PRICKLE2: variants seen among roughly 807,000 people sequenced by gnomAD.
PRICKLE2 encodes prickle-like protein 2.
A neutral mutation model predicts 81.4 loss-of-function variants in PRICKLE2; 21 were observed. The ratio of observed to expected loss-of-function variants is 0.26; its 90% confidence interval spans 0.18 to 0.37. The LOEUF is 0.37. Among genes scored for constraint, PRICKLE2 ranks in the 10% least tolerant of loss-of-function variants. The pLI, the probability that PRICKLE2 is intolerant of heterozygous loss-of-function variation, is 1.00. For missense variants in PRICKLE2, 940 were observed against 1,109.0 expected (o/e 0.85, Z 2.16); for synonymous variants, 456 against 421.5 (o/e 1.08, Z -1.00).
At chr3:64,185,159 A>G (rs890983342) in intron 2 of PRICKLE2, among the ~76,000 whole-genome samples, 3 of 152,166 alleles carry the variant, frequency 2.0e-5, no homozygotes, top group African/African-American at 7.2e-5. Context: ...TGAGGAAATT[A>G]TTACCTTCTC....
At position 64,092,957 on chromosome 3, in the gene PRICKLE2, A is replaced by G. The variant is rs1307545575; in HGVS notation, c.*6094T>C. On this transcript the variant is annotated 3_prime_UTR_variant, in exon 8 of 8. Coordinates refer to ENST00000638394, the MANE Select transcript of PRICKLE2 (RefSeq NM_198859.4). ...TTAAGTTCATCTGCATTGTTCTGCA[A>G]CCCGTCTCCAGAACTCTTTTCATCT... 1 of 152,274 alleles carries G rather than the reference A, an allele frequency of 6.6e-6. No homozygotes were observed. The highest frequency in any genetic ancestry group is 2.4e-5 in the African/African-American group (1 of 41,442). The allele number at this position is 152,274 out of a possible 1,614,324, so 9.4% of individuals were successfully genotyped here.
At chr3:64,181,732 G>A (rs2107081571) in intron 2 of PRICKLE2, among the ~76,000 whole-genome samples, 1 of 152,248 alleles carries the variant, frequency 6.6e-6, no homozygotes, top group Non-Finnish European at 1.5e-5. Flanking sequence ...AAAAATAACA[G>A]ACATAAAATG....
intron 2 of PRICKLE2, among the ~76,000 whole-genome samples, chr3:64,177,913 T>C (rs979008338): frequency 6.6e-6 from 1 of 152,198 alleles, no homozygotes; most frequent in Non-Finnish European, 1.5e-5. Context: ...ATGTTGCATA[T>C]ATACCTAGGA....
chr3:64,198,218 ATAAAT>A (rs1302141163), intron 2 of PRICKLE2, among the ~76,000 whole-genome samples: 2 of 86,350 alleles, frequency 2.3e-5, no homozygotes, highest in Non-Finnish European at 4.1e-5. Context: ...TCTAAAATAA[ATAAAT>A]AAATAAATAA....
At chr3:64,210,396 G>T (rs1360663295) in intron 1 of PRICKLE2, among the ~76,000 whole-genome samples, 1 of 152,252 alleles carries the variant, frequency 6.6e-6, no homozygotes, top group Non-Finnish European at 1.5e-5. Context: ...ATCTCTGTGA[G>T]AAAGGAAAAA....
intron 1 of PRICKLE2, among the ~76,000 whole-genome samples, chr3:64,206,660 G>A (rs945680216): frequency 6.6e-6 from 1 of 152,154 alleles, no homozygotes; most frequent in Admixed American, 6.5e-5. Flanking sequence ...TCATGCACAG[G>A]GACAAGGGGC....
At chr3:64,200,625 T>A (rs1166536653) in intron 1 of PRICKLE2, 1 of 151,170 alleles carries the variant, frequency 6.6e-6, no homozygotes, top group Non-Finnish European at 1.5e-5. Context: ...CCTGGCTTTT[T>A]TTTTTTCTGA....
intron 2 of PRICKLE2, among the ~76,000 whole-genome samples, chr3:64,178,988 TTTCTTTCTTTCTTTC>T (rs1416106032): frequency 2.1e-5 from 3 of 143,530 alleles, no homozygotes; most frequent in African/African-American, 8.0e-5. Flanking sequence ...TCTTTCTTTC[TTTCTTTCTTTCTTTC>T]TTTCTTTCTT....
chr3:64,245,655 G>A (rs2079337700), intron 2 of PRICKLE2, among the ~76,000 whole-genome samples: 1 of 152,190 alleles, frequency 6.6e-6, no homozygotes, highest in Non-Finnish European at 1.5e-5. Flanking sequence ...CAAATCCAGA[G>A]AGGCATGGGG....
At chr3:64,148,980 G>A (rs1191958549) in intron 6 of PRICKLE2, among the ~76,000 whole-genome samples, 1 of 152,210 alleles carries the variant, frequency 6.6e-6, no homozygotes, top group Non-Finnish European at 1.5e-5. Context: ...TCTGCTTTCG[G>A]TAAAGAAAAA....
chr3:64,178,736 A>G (rs1014777910), intron 2 of PRICKLE2, among the ~76,000 whole-genome samples: 1 of 152,226 alleles, frequency 6.6e-6, no homozygotes, highest in Non-Finnish European at 1.5e-5. Context: ...AATACTAAAC[A>G]TTCCTCCTAG....
chr3:64,172,536 T>C (rs1054226733), intron 2 of PRICKLE2, among the ~76,000 whole-genome samples: 3 of 152,234 alleles, frequency 2.0e-5, no homozygotes, highest in Non-Finnish European at 4.4e-5. Flanking sequence ...TCTCCATCTG[T>C]AAATTGGGGA....
intron 2 of PRICKLE2, among the ~76,000 whole-genome samples, chr3:64,170,753 T>TGGTCTCA (rs1451654962): frequency 6.7e-6 from 1 of 149,472 alleles, no homozygotes. Flanking sequence ...TGCACACCTG[T>TGGTCTCA]GGTCTCAGCT....
intron 1 of PRICKLE2, among the ~76,000 whole-genome samples, chr3:64,217,497 A>G (rs2078890179): frequency 6.6e-6 from 1 of 152,230 alleles, no homozygotes; most frequent in Admixed American, 6.5e-5. Flanking sequence ...GAACATTCAC[A>G]TTCGTAAGAA....
At chr3:64,187,395 C>G (rs895795389) in intron 2 of PRICKLE2, 1 of 152,344 alleles carries the variant, frequency 6.6e-6, no homozygotes, top group Non-Finnish European at 1.5e-5. Flanking sequence ...GCCCTGCCCC[C>G]TTCTTCCCTC....
intron 7 of PRICKLE2, among the ~76,000 whole-genome samples, chr3:64,126,798 G>C (rs537104252): frequency 7.9e-5 from 12 of 152,184 alleles, no homozygotes; most frequent in African/African-American, 2.6e-4. Flanking sequence ...GACTGGTCTC[G>C]AACTCCTGGC....
At chr3:64,217,996 C>A (rs2078898833) in intron 1 of PRICKLE2, among the ~76,000 whole-genome samples, 1 of 152,176 alleles carries the variant, frequency 6.6e-6, no homozygotes, top group Admixed American at 6.5e-5. Flanking sequence ...GCTGCCACAG[C>A]CTGAATCACA....
intron 7 of PRICKLE2, among the ~76,000 whole-genome samples, chr3:64,106,645 GAC>G (rs1297210941): frequency 1.3e-5 from 2 of 152,166 alleles, no homozygotes; most frequent in African/African-American, 2.4e-5. Flanking sequence ...TGCTGAACAC[GAC>G]ACAGTGTCAA....
intron 7 of PRICKLE2, among the ~76,000 whole-genome samples, chr3:64,132,758 C>A (rs2077215669): frequency 6.6e-6 from 1 of 152,158 alleles, no homozygotes. Context: ...GATGGGGTAG[C>A]CCACCAGCAT....
Sources: gnomAD v4.1 joint callset for allele counts (sites outside exome capture counted in the v4.1 genomes callset) on GRCh38, gnomAD v4.1.1 for gene constraint, MANE v1.5 for transcripts, NCBI Gene and HGNC (gene_info 2026-07-23, HGNC 2026-07-21) for gene names.